Variants in IPO7 observed in about 807,000 individuals in gnomAD.
IPO7 encodes importin-7.
A neutral mutation model predicts 136.4 loss-of-function variants in IPO7; 13 were observed. The ratio of observed to expected loss-of-function variants is 0.10; its 90% confidence interval spans 0.06 to 0.15. The LOEUF is 0.15. Among genes scored for constraint, IPO7 ranks in the 10% least tolerant of loss-of-function variants. The pLI is 1.00. For synonymous variants in IPO7, 403 were observed against 404.4 expected, an observed-to-expected ratio of 1.00 and a Z score of 0.04; for missense variants, 857 against 1,240.6, an observed-to-expected ratio of 0.69 and a Z score of 4.65.
chr11:9,417,010 A>T, intron 5 of IPO7, 49 bp from the exon 6 acceptor site: 1 of 876,482 alleles, frequency 1.1e-6, no homozygotes, highest in Non-Finnish European at 1.9e-6. Context: ...AAGAAGTAGG[A>T]TTTTCTTTAG....
intron 19 of IPO7, among the ~76,000 whole-genome samples, 193 bp downstream of exon 19, chr11:9,435,224 CCT>C (rs1282645793): frequency 4.5e-4 from 68 of 152,078 alleles, no homozygotes; most frequent in African/African-American, 1.6e-3. Flanking sequence ...TTTTGTGTGC[CCT>C]CTGACACTTG....
At chr11:9,391,138 C>T (rs902836328) in intron 1 of IPO7, among the ~76,000 whole-genome samples, 2 of 152,108 alleles carry the variant, frequency 1.3e-5, no homozygotes, top group African/African-American at 4.8e-5. Context: ...CGGTGGCTCA[C>T]GCCTGTAATC....
Position 9,429,728 on chromosome 11 carries a change from T to C in IPO7, c.1646T>C (p.Ile549Thr). Residue 549 changes from isoleucine to threonine, a missense_variant, in exon 15 of 25, where the codon ATT becomes ACT. Transcript: ENST00000379719. ...CCTGTAATGCAGGCTCTTCTTCACA[T>C]TATAAGAGAAACAGAAAATGATGAC... ...IRPVMQALLH[I>T]IRETENDDLT... The C allele has an allele frequency of 6.2e-7, 1 of 1,607,318 alleles. No homozygotes were observed. Among genetic ancestry groups the C allele is most frequent in the Middle Eastern group, 2.2e-4 (1 of 4,540 alleles).
At chr11:9,442,401 C>A (rs1042984336) in intron 24 of IPO7, among the ~76,000 whole-genome samples, 1 of 151,600 alleles carries the variant, frequency 6.6e-6, no homozygotes, top group African/African-American at 2.4e-5. Flanking sequence ...TGGCTTTTTT[C>A]GTTTTTTTTT....
intron 1 of IPO7, among the ~76,000 whole-genome samples, chr11:9,386,976 C>A (rs924213228): frequency 6.6e-6 from 1 of 152,238 alleles, no homozygotes; most frequent in African/African-American, 2.4e-5. Flanking sequence ...ACTTTCATTC[C>A]ATTTTAATAC....
At chr11:9,398,837 AT>A (rs1321745666) in intron 1 of IPO7, among the ~76,000 whole-genome samples, 1 of 152,216 alleles carries the variant, frequency 6.6e-6, no homozygotes, top group Non-Finnish European at 1.5e-5. Context: ...CACTAGTTCT[AT>A]CTAGCTGTGA....
At chr11:9,399,233 G>A (rs962023259) in intron 1 of IPO7, among the ~76,000 whole-genome samples, 13 of 150,176 alleles carry the variant, frequency 8.7e-5, no homozygotes, top group East Asian at 3.9e-4. Context: ...GCACAATCTC[G>A]GCTCACCACA....
chr11:9,447,569 C>T lies in IPO7; in HGVS notation c.*2375C>T, dbSNP rs1003974074. The T allele has an allele frequency of 1.9e-4, 29 of 152,196 alleles. No homozygotes were observed. The highest frequency in any genetic ancestry group is 6.3e-4 in the African/African-American group (26 of 41,546). The allele number at this position is 152,196 out of a possible 1,614,324, so 9.4% of individuals were successfully genotyped here. The stretch of plus-strand genomic sequence containing the variant: ...TTTTTGAATGTATTTACAATATTCT[C>T]TTGTAATTAGCTACATAGGGACTTG... On this transcript the variant is annotated 3_prime_UTR_variant, in exon 25 of 25. Coordinates refer to ENST00000379719, the MANE Select transcript of IPO7 (RefSeq NM_006391.3).
chr11:9,386,683 A>G (rs1486392478), intron 1 of IPO7, among the ~76,000 whole-genome samples: 17 of 152,216 alleles, frequency 1.1e-4, no homozygotes, highest in African/African-American at 3.6e-4. Flanking sequence ...TGTCTAGTAT[A>G]TGCACTAACA....
chr11:9,417,754 C>T (rs1375392978), intron 6 of IPO7, among the ~76,000 whole-genome samples: 1 of 149,834 alleles, frequency 6.7e-6, no homozygotes, highest in Non-Finnish European at 1.5e-5. Flanking sequence ...CTCTTGTTGC[C>T]TAGGCTGGAG....
At position 9,446,351 on chromosome 11, in the gene IPO7, T is replaced by TA. The variant is rs1019968527; in HGVS notation, c.*1158dup. 5.7e-4 allele frequency: 87 copies of TA among 152,268 alleles called. No individual in the cohort carries two copies. Among genetic ancestry groups the TA allele is most frequent in the African/African-American group, 2.0e-3 (84 of 41,548 alleles). The allele number at this position is 152,268 out of a possible 1,614,324, so 9.4% of individuals were successfully genotyped here. A position where few individuals can be genotyped will look rare whatever the true frequency, so the allele number is the denominator to read the frequency against. On this transcript the variant is annotated 3_prime_UTR_variant, in exon 25 of 25. Coordinates refer to ENST00000379719, the MANE Select transcript of IPO7 (RefSeq NM_006391.3). Reference sequence around the variant, plus strand: ...CTTTACAAAATTGATATTTAACACTTACCCACTCCCCTTTCCCCATCTCTT... The same window carrying TA: ...CTTTACAAAATTGATATTTAACACTTAACCCACTCCCCTTTCCCCATCTCTT...
Position 9,384,785 on chromosome 11 carries a change from G to C in IPO7, c.22G>C (p.Glu8Gln). 1 of 1,606,860 alleles carries C rather than the reference G, an allele frequency of 6.2e-7. No homozygotes were observed. Among genetic ancestry groups the C allele is most frequent in the Non-Finnish European group, 8.5e-7 (1 of 1,176,832 alleles). The change falls in exon 1 of 25, where the codon GAG becomes CAG. Residue 8 changes from glutamate (E) to glutamine (Q), a missense_variant. Glu to Gln is a conservative substitution (Grantham distance 29, BLOSUM62 2). This residue lies in a region of IPO7 where 49 missense variants were observed against 59.9 expected (regional missense o/e 0.82). Transcript: ENST00000379719. MDPNTII[E>Q]ALRGTMDPAL... is the part of the protein sequence containing the mutation. ...TGCGATGGACCCCAACACCATTATC[G>C]AGGCCCTGCGGGGCACTATGGACCC...
chr11:9,438,074 T>TGG lies in IPO7; in HGVS notation c.2490-6_2490-5insGG. The TGG allele has an allele frequency of 7.7e-7, 1 of 1,297,392 alleles. No individual in the cohort carries two copies. The highest frequency in any genetic ancestry group is 1.1e-6 in the Non-Finnish European group (1 of 942,140). The allele number at this position is 1,297,392 out of a possible 1,614,324, so 80.4% of individuals were successfully genotyped here. ...TTTTTTTTTTTTTTTTTTTTTTTTT[T>TGG]TTTAGGCTTCATGACAGAAAGATGT... is the stretch of plus-strand genomic sequence containing the variant. On this transcript the variant is annotated splice_region_variant and splice_polypyrimidine_tract_variant and intron_variant, in intron 21 of 24. Coordinates refer to ENST00000379719, the MANE Select transcript of IPO7 (RefSeq NM_006391.3).
intron 1 of IPO7, among the ~76,000 whole-genome samples, chr11:9,394,203 T>G (rs1854678015): frequency 6.6e-6 from 1 of 152,122 alleles, no homozygotes. Flanking sequence ...TATTATTAAT[T>G]TTCCACGCAG....
intron 13 of IPO7, 42 bp downstream of exon 13, chr11:9,428,671 A>G (rs1855247520): frequency 9.7e-7 from 1 of 1,028,914 alleles, no homozygotes; most frequent in East Asian, 2.4e-5. Flanking sequence ...TTTGTCTTGT[A>G]ATGAATGACT....
intron 5 of IPO7, 28 bp from the exon 6 acceptor site, chr11:9,417,031 G>T: frequency 9.3e-7 from 1 of 1,074,800 alleles, no homozygotes; most frequent in Non-Finnish European, 1.4e-6. Flanking sequence ...CAAGGATTTC[G>T]AAATATTAAT....
At chr11:9,422,971 G>A (rs777963618) in intron 8 of IPO7, 35 bp from the exon 9 acceptor site, 1 of 1,401,610 alleles carries the variant, frequency 7.1e-7, no homozygotes, top group Non-Finnish European at 9.6e-7. Context: ...ATTTCTATTT[G>A]AACATTGATT....
intron 18 of IPO7, among the ~76,000 whole-genome samples, chr11:9,434,228 G>A (rs980701700): frequency 6.6e-6 from 1 of 151,992 alleles, no homozygotes; most frequent in Non-Finnish European, 1.5e-5. Context: ...TGGCCTGAAC[G>A]TACACTTTTG....
chr11:9,391,600 A>G (rs1854633885), intron 1 of IPO7, among the ~76,000 whole-genome samples: 1 of 152,060 alleles, frequency 6.6e-6, no homozygotes, highest in Non-Finnish European at 1.5e-5. Flanking sequence ...CCACCTACTC[A>G]GGAGGCTGAG....
Sources: gnomAD v4.1 joint callset for allele counts (sites outside exome capture counted in the v4.1 genomes callset) on GRCh38, gnomAD v4.1.1 for gene constraint, gnomAD v4.1.1 regional missense constraint, MANE v1.5 for transcripts, NCBI Gene and HGNC (gene_info 2026-07-23, HGNC 2026-07-21) for gene names.